ENOX1: variants seen among roughly 807,000 people sequenced by gnomAD.
The protein encoded by ENOX1 is candidate growth-related and time keeping constitutive hydroquinone (NADH) oxidase.
A neutral mutation model predicts 82.5 loss-of-function variants in ENOX1; 42 were observed. The observed-to-expected ratio is 0.51, with a 90% CI of 0.40 to 0.66. The LOEUF (loss-of-function observed/expected upper bound fraction) is 0.66, where lower values mean the gene tolerates loss of function less well. ENOX1 is among the 30% of genes least tolerant of loss of function. The pLI, the probability that ENOX1 is intolerant of heterozygous loss-of-function variation, is 0.00. For missense variants in ENOX1, 608 were observed against 811.6 expected (o/e 0.75, Z 3.05); for synonymous variants, 271 against 282.2 (o/e 0.96, Z 0.40).
intron 14 of ENOX1, among the ~76,000 whole-genome samples, chr13:43,251,023 C>T (rs974726058): frequency 6.6e-6 from 1 of 152,078 alleles, no homozygotes; most frequent in Non-Finnish European, 1.5e-5. Context: ...CTTGGACCTG[C>T]CCAGTGGAAA....
intron 2 of ENOX1, among the ~76,000 whole-genome samples, chr13:43,567,376 CAGCCCAGTG>C (rs2079967051): frequency 1.3e-5 from 2 of 152,052 alleles, no homozygotes; most frequent in Non-Finnish European, 2.9e-5. Context: ...ATGTGATCTT[CAGCCCAGTG>C]AGTTCTATCA....
At chr13:43,285,111 T>C (rs2153494656) in intron 12 of ENOX1, among the ~76,000 whole-genome samples, 1 of 152,346 alleles carries the variant, frequency 6.6e-6, no homozygotes, top group Middle Eastern at 3.4e-3. Context: ...CTAACTTGTT[T>C]AAGTTTCCCT....
chr13:43,340,986 G>A (rs1436147869), intron 9 of ENOX1, among the ~76,000 whole-genome samples: 1 of 152,150 alleles, frequency 6.6e-6, no homozygotes, highest in Non-Finnish European at 1.5e-5. Flanking sequence ...TTGGATAAGT[G>A]TTACAAAGGA....
At chr13:43,672,031 T>C (rs943457132) in intron 1 of ENOX1, among the ~76,000 whole-genome samples, 4 of 152,202 alleles carry the variant, frequency 2.6e-5, no homozygotes, top group Non-Finnish European at 5.9e-5. Context: ...ATTCATACCA[T>C]TGACATCATT....
At chr13:43,226,586 T>C (rs1360569028) in intron 15 of ENOX1, among the ~76,000 whole-genome samples, 2 of 152,218 alleles carry the variant, frequency 1.3e-5, no homozygotes, top group Non-Finnish European at 2.9e-5. Context: ...GGGAATCCCC[T>C]GTTTCACGAT....
chr13:43,785,557 GT>G (rs1381993272), intron 1 of ENOX1, among the ~76,000 whole-genome samples: 1 of 152,168 alleles, frequency 6.6e-6, no homozygotes, highest in African/African-American at 2.4e-5. Flanking sequence ...TACAAAGCCA[GT>G]TTTTTTCATG....
intron 3 of ENOX1, among the ~76,000 whole-genome samples, chr13:43,425,508 C>T (rs866361914): frequency 1.8e-4 from 28 of 152,302 alleles, no homozygotes; most frequent in Middle Eastern, 3.4e-3. Flanking sequence ...ACATAAAAAT[C>T]CTTCCTTACA....
chr13:43,580,560 C>A (rs144879981), intron 2 of ENOX1, among the ~76,000 whole-genome samples: 1 of 152,320 alleles, frequency 6.6e-6, no homozygotes, highest in East Asian at 1.9e-4. Context: ...ACCTCCCCTA[C>A]AAAAGACTTT....
At chr13:43,318,232 T>C (rs998594322) in intron 11 of ENOX1, among the ~76,000 whole-genome samples, 1 of 152,244 alleles carries the variant, frequency 6.6e-6, no homozygotes, top group African/African-American at 2.4e-5. Context: ...AACATTTGTG[T>C]TCAAAGTACA....
intron 12 of ENOX1, among the ~76,000 whole-genome samples, chr13:43,295,990 C>T (rs9316007): frequency 0.45 from 69,003 of 151,972 alleles, 16,108 homozygotes; most frequent in East Asian, 0.58. Context: ...TTGGCTCTCC[C>T]GCTCCCTGTC....
At chr13:43,251,997 C>T (rs1177573260) in intron 14 of ENOX1, among the ~76,000 whole-genome samples, 1 of 152,154 alleles carries the variant, frequency 6.6e-6, no homozygotes, top group African/African-American at 2.4e-5. Flanking sequence ...GACACAGGTA[C>T]TGGGGCTTGA....
Position 43,584,877 on chromosome 13 carries a change from A to T in ENOX1, c.-219+82602T>A, listed in dbSNP as rs183330915. ...TCATGTCACCAAAATCTCCATCCGC[A>T]GGCAAGAAGGAGATACCCAGCTGTC... is the stretch of plus-strand genomic sequence containing the variant. On this transcript the variant is annotated intron_variant, in intron 2 of 16. Coordinates refer to ENST00000690772, the MANE Select transcript of ENOX1 (RefSeq NM_001347969.2). 2.8e-4 allele frequency among the ~76,000 whole-genome samples: 42 copies of T among 152,292 alleles called. 1 individual carries two copies. The East Asian group carries it at 8.1e-3, about 29-fold the overall frequency.
At chr13:43,307,621 C>T (rs2046941133) in intron 11 of ENOX1, among the ~76,000 whole-genome samples, 1 of 152,200 alleles carries the variant, frequency 6.6e-6, no homozygotes, top group African/African-American at 2.4e-5. Context: ...CCAACACAGC[C>T]TTCTGGGCTT....
chr13:43,275,214 G>T (rs1289177829), intron 12 of ENOX1, among the ~76,000 whole-genome samples: 2 of 152,174 alleles, frequency 1.3e-5, no homozygotes, highest in Admixed American at 6.5e-5. Flanking sequence ...ATACTTCTGT[G>T]AGCGGTGTGT....
At chr13:43,261,235 TGAGTCTTGA>T (rs975967010) in intron 14 of ENOX1, among the ~76,000 whole-genome samples, 18 of 152,324 alleles carry the variant, frequency 1.2e-4, no homozygotes, top group Admixed American at 1.3e-4. Flanking sequence ...ATGAGCTAGA[TGAGTCTTGA>T]GACTAAGACA....
At chr13:43,754,523 G>A (rs559940866) in intron 1 of ENOX1, among the ~76,000 whole-genome samples, 57 of 151,218 alleles carry the variant, frequency 3.8e-4, no homozygotes, top group African/African-American at 1.3e-3. Context: ...AGCAGAGACG[G>A]GGTTTCACCA....
rs2047871707 is a variant in ENOX1, at chr13:43,322,505, C to A, written c.1144-4G>T. On this transcript the variant is annotated splice_polypyrimidine_tract_variant and splice_region_variant and intron_variant, in intron 10 of 16. Transcript: ENST00000690772. ...CACTTTGAGCATTCCGGAGCTCCTG[C>A]AAGTAGAGGATACACAAATGTCAGA... 1 of 1,612,036 alleles carries A rather than the reference C, an allele frequency of 6.2e-7. No homozygotes were observed. Among genetic ancestry groups the A allele is most frequent in the Non-Finnish European group, 8.5e-7 (1 of 1,178,692 alleles).
chr13:43,778,018 A>G (rs923728413), intron 1 of ENOX1, among the ~76,000 whole-genome samples: 1 of 152,178 alleles, frequency 6.6e-6, no homozygotes, highest in Non-Finnish European at 1.5e-5. Context: ...AAAGCCCAGT[A>G]AGCTCTTTGC....
chr13:43,582,982 T>C (rs1485274952), intron 2 of ENOX1, among the ~76,000 whole-genome samples: 1 of 149,314 alleles, frequency 6.7e-6, no homozygotes, highest in Non-Finnish European at 1.5e-5. Flanking sequence ...TGGACACACA[T>C]GCACAGACAG....
Sources: gnomAD v4.1 joint callset for allele counts (sites outside exome capture counted in the v4.1 genomes callset) on GRCh38, gnomAD v4.1.1 for gene constraint, MANE v1.5 for transcripts, NCBI Gene and HGNC (gene_info 2026-07-23, HGNC 2026-07-21) for gene names.